The following CAMKMT variants were observed in gnomAD, a reference collection of about 807,000 sequenced individuals.
CAMKMT encodes calmodulin-lysine N-methyltransferase.
CAMKMT carries 53 observed loss-of-function variants against 48.0 expected under a neutral mutation model. The ratio of observed to expected loss-of-function variants is 1.10; its 90% confidence interval spans 0.89 to 1.39. The LOEUF is 1.39. Among genes scored for constraint, CAMKMT ranks in the 40% most tolerant of loss-of-function variants. The pLI, the probability that CAMKMT is intolerant of heterozygous loss-of-function variation, is 0.00. For synonymous variants in CAMKMT, 165 were observed against 152.3 expected, an observed-to-expected ratio of 1.08 and a Z score of -0.61; for missense variants, 428 against 402.7, an observed-to-expected ratio of 1.06 and a Z score of -0.54.
intron 3 of CAMKMT, among the ~76,000 whole-genome samples, chr2:44,615,508 C>G (rs957209541): frequency 6.6e-6 from 1 of 152,040 alleles, no homozygotes; most frequent in Non-Finnish European, 1.5e-5. Flanking sequence ...AGAATGGAGA[C>G]GCAAGATAAT....
intron 3 of CAMKMT, among the ~76,000 whole-genome samples, chr2:44,575,194 T>A (rs1171941244): frequency 6.6e-6 from 1 of 152,158 alleles, no homozygotes; most frequent in Non-Finnish European, 1.5e-5. Flanking sequence ...TTCTCCTGCC[T>A]CGGTCTCCTG....
chr2:44,486,410 T>G (rs933426911), intron 3 of CAMKMT, among the ~76,000 whole-genome samples: 6 of 152,212 alleles, frequency 3.9e-5, no homozygotes, highest in Non-Finnish European at 5.9e-5. Context: ...GTTTGTTTGT[T>G]TTTTAGCTTT....
At chr2:44,526,842 C>T (rs1412559634) in intron 3 of CAMKMT, among the ~76,000 whole-genome samples, 1 of 151,982 alleles carries the variant, frequency 6.6e-6, no homozygotes, top group East Asian at 1.9e-4. Flanking sequence ...ATTACAAAAG[C>T]CCCCAAATAT....
chr2:44,409,762 G>GA, intron 3 of CAMKMT, among the ~76,000 whole-genome samples: 1 of 152,026 alleles, frequency 6.6e-6, no homozygotes, highest in East Asian at 1.9e-4. Flanking sequence ...AATTCATATG[G>GA]AAAATCACTG....
At chr2:44,564,341 A>G (rs1316105240) in intron 3 of CAMKMT, among the ~76,000 whole-genome samples, 1 of 151,398 alleles carries the variant, frequency 6.6e-6, no homozygotes, top group African/African-American at 2.4e-5. Context: ...TGCCCGGCTA[A>G]TTTTTGTATT....
intron 3 of CAMKMT, among the ~76,000 whole-genome samples, chr2:44,623,401 A>G (rs959624434): frequency 4.6e-5 from 7 of 152,294 alleles, no homozygotes; most frequent in Non-Finnish European, 8.8e-5. Flanking sequence ...TTATTTGCCA[A>G]GGCTGATACA....
At chr2:44,465,454 T>G (rs1274201544) in intron 3 of CAMKMT, among the ~76,000 whole-genome samples, 1 of 151,214 alleles carries the variant, frequency 6.6e-6, no homozygotes, top group Non-Finnish European at 1.5e-5. Context: ...AAAAATTAGC[T>G]GGGTGGTGGC....
intron 3 of CAMKMT, among the ~76,000 whole-genome samples, chr2:44,588,681 A>C (rs1345845135): frequency 6.6e-3 from 102 of 15,380 alleles, no homozygotes; most frequent in African/African-American, 9.5e-3. Flanking sequence ...CCAGCCGCCC[A>C]GTCCGGGAGG....
chr2:44,751,479 C>T (rs1558835396), intron 8 of CAMKMT, among the ~76,000 whole-genome samples: 1 of 152,226 alleles, frequency 6.6e-6, no homozygotes, highest in Non-Finnish European at 1.5e-5. Context: ...ACAGTAAAAA[C>T]TACCTCATAG....
At chr2:44,551,592 A>C (rs1036658150) in intron 3 of CAMKMT, among the ~76,000 whole-genome samples, 1 of 152,202 alleles carries the variant, frequency 6.6e-6, no homozygotes, top group Non-Finnish European at 1.5e-5. Flanking sequence ...GTCCATTAGC[A>C]TTGAGGCCAT....
chr2:44,538,244 C>T (rs1033146538), intron 3 of CAMKMT, among the ~76,000 whole-genome samples: 3 of 151,912 alleles, frequency 2.0e-5, no homozygotes, highest in Non-Finnish European at 2.9e-5. Flanking sequence ...TTGTGGGCAC[C>T]TGTAATCCCA....
intron 3 of CAMKMT, among the ~76,000 whole-genome samples, chr2:44,698,572 A>G (rs1021266367): frequency 6.6e-6 from 1 of 152,222 alleles, no homozygotes; most frequent in Non-Finnish European, 1.5e-5. Flanking sequence ...AAAATACTTT[A>G]TTGCTAAAAA....
chr2:44,690,128 T>C (rs1396276855), intron 3 of CAMKMT, among the ~76,000 whole-genome samples: 1 of 152,206 alleles, frequency 6.6e-6, no homozygotes, highest in Non-Finnish European at 1.5e-5. Flanking sequence ...CTAAAATATT[T>C]CTTGGTAGAG....
chr2:44,555,765 C>A (rs1404769365), intron 3 of CAMKMT, among the ~76,000 whole-genome samples: 1 of 152,026 alleles, frequency 6.6e-6, no homozygotes, highest in Admixed American at 6.5e-5. Flanking sequence ...GGAGGAAAAC[C>A]AGGAGTTGTC....
intron 7 of CAMKMT, among the ~76,000 whole-genome samples, chr2:44,718,787 G>C (rs2104312025): frequency 6.6e-6 from 1 of 152,332 alleles, no homozygotes; most frequent in South Asian, 2.1e-4. Context: ...ATCTTTGTGT[G>C]AAAGTTGCTA....
At chr2:44,403,965 C>T (rs2104455479) in intron 3 of CAMKMT, among the ~76,000 whole-genome samples, 1 of 152,250 alleles carries the variant, frequency 6.6e-6, no homozygotes, top group African/African-American at 2.4e-5. Context: ...AAAGCTTTTC[C>T]TGACTCTCCT....
chr2:44,645,935 A>G (rs1397897516), intron 3 of CAMKMT, among the ~76,000 whole-genome samples: 1 of 152,224 alleles, frequency 6.6e-6, no homozygotes, highest in Non-Finnish European at 1.5e-5. Context: ...AAAAGAAATT[A>G]TCTTTGCTCA....
At chr2:44,414,937 C>T (rs931283281) in intron 3 of CAMKMT, among the ~76,000 whole-genome samples, 4 of 152,158 alleles carry the variant, frequency 2.6e-5, no homozygotes, top group Non-Finnish European at 4.4e-5. Context: ...GGGCGGATCA[C>T]GAGGTCAAGA....
At chr2:44,449,620 C>G (rs1667185908) in intron 3 of CAMKMT, among the ~76,000 whole-genome samples, 2 of 152,002 alleles carry the variant, frequency 1.3e-5, no homozygotes. Flanking sequence ...TTAGACTTTA[C>G]TCTGCCCAAA....
Sources: allele counts gnomAD v4.1 joint callset (sites outside exome capture counted in the v4.1 genomes callset), GRCh38; gene constraint gnomAD v4.1.1; transcripts MANE v1.5; gene names NCBI Gene and HGNC (gene_info 2026-07-23, HGNC 2026-07-21).